The following SLC44A1 variants were observed in gnomAD, a reference collection of about 807,000 sequenced individuals.
The protein encoded by SLC44A1 is choline transporter-like protein 1.
In SLC44A1, 26 loss-of-function variants were observed where a neutral mutation model predicts 79.3. That is an observed-to-expected ratio of 0.33 (90% CI 0.24 to 0.46). The LOEUF (loss-of-function observed/expected upper bound fraction) is 0.46. Among genes scored for constraint, SLC44A1 ranks in the 20% least tolerant of loss-of-function variants. The pLI, the probability that SLC44A1 is intolerant of heterozygous loss-of-function variation, is 1.00. For synonymous variants in SLC44A1, 263 were observed against 286.2 expected, an observed-to-expected ratio of 0.92 and a Z score of 0.82; for missense variants, 688 against 798.1, an observed-to-expected ratio of 0.86 and a Z score of 1.66.
At chr9:105,356,523 T>C in intron 6 of SLC44A1, 142 bp downstream of exon 6, 1 of 581,294 alleles carries the variant, frequency 1.7e-6, no homozygotes, top group Non-Finnish European at 3.0e-6. Flanking sequence ...TCAGATTATA[T>C]ATAGTTAAGA....
intron 1 of SLC44A1, among the ~76,000 whole-genome samples, chr9:105,261,343 A>G (rs548014573): frequency 7.9e-5 from 12 of 152,064 alleles, no homozygotes; most frequent in Non-Finnish European, 1.8e-4. Context: ...TCCCTGCAAC[A>G]CACCTCTTGT....
intron 1 of SLC44A1, among the ~76,000 whole-genome samples, chr9:105,256,060 C>T (rs1490227208): frequency 6.6e-6 from 1 of 152,016 alleles, no homozygotes; most frequent in Non-Finnish European, 1.5e-5. Flanking sequence ...GTCACCCTGG[C>T]TGGAGTGCAG....
intron 1 of SLC44A1, among the ~76,000 whole-genome samples, chr9:105,265,525 C>T (rs976563815): frequency 6.6e-6 from 1 of 152,120 alleles, no homozygotes; most frequent in African/African-American, 2.4e-5. Flanking sequence ...ATAGTTTATT[C>T]ACCAGTTGAA....
intron 1 of SLC44A1, among the ~76,000 whole-genome samples, chr9:105,254,295 C>T (rs1284696033): frequency 1.3e-5 from 2 of 152,144 alleles, no homozygotes; most frequent in East Asian, 1.9e-4. Flanking sequence ...TTTTGCTGAG[C>T]TGACAATCTC....
intron 3 of SLC44A1, among the ~76,000 whole-genome samples, chr9:105,321,654 C>T (rs866515266): frequency 1.3e-5 from 2 of 151,940 alleles, no homozygotes; most frequent in Non-Finnish European, 1.5e-5. Flanking sequence ...TGAAATGAGG[C>T]GCTTAAATTA....
At chr9:105,415,423 G>C (rs903905666) in intron 15 of SLC44A1, among the ~76,000 whole-genome samples, 4 of 152,106 alleles carry the variant, frequency 2.6e-5, no homozygotes, top group African/African-American at 9.7e-5. Flanking sequence ...GGATTCTGCT[G>C]TATAATAAAC....
intron 1 of SLC44A1, among the ~76,000 whole-genome samples, chr9:105,286,147 C>T (rs975504387): frequency 2.0e-5 from 3 of 152,090 alleles, no homozygotes; most frequent in East Asian, 1.9e-4. Context: ...GAATGTACTG[C>T]GGTATTTTTA....
At chr9:105,366,311 G>C in intron 11 of SLC44A1, 35 bp from the exon 12 acceptor site, 3 of 1,163,706 alleles carry the variant, frequency 2.6e-6, no homozygotes, top group Non-Finnish European at 3.6e-6. Flanking sequence ...TTGATTCTTT[G>C]GTTTTTTTAT....
At chr9:105,322,382 G>A (rs902965692) in intron 3 of SLC44A1, among the ~76,000 whole-genome samples, 6 of 152,114 alleles carry the variant, frequency 3.9e-5, no homozygotes, top group Admixed American at 2.0e-4. Flanking sequence ...AAAAGAAGCC[G>A]GAAGTCTGTT....
In SLC44A1 at chr9:105,392,790, G is replaced by A. The variant is rs1169978793; in HGVS notation, c.*3734G>A. On this transcript the variant is annotated 3_prime_UTR_variant, in exon 16 of 16. Coordinates refer to ENST00000374720, the MANE Select transcript of SLC44A1 (RefSeq NM_080546.5). ...ATCAGTTCCAAAACCAGAACTGCCAGTAATGGTGACTTGAATATTTTATTT... is the reference window on the plus strand; with the variant it reads ...ATCAGTTCCAAAACCAGAACTGCCAATAATGGTGACTTGAATATTTTATTT... 1.0e-6 allele frequency: 1 copy of A among 985,414 alleles called. No homozygotes were observed. The highest frequency in any genetic ancestry group is 1.1e-4 in the East Asian group (1 of 8,822). 61.0% of individuals were successfully genotyped at this position (985,414 alleles called of 1,614,324 possible).
At chr9:105,258,500 G>T (rs1470474296) in intron 1 of SLC44A1, among the ~76,000 whole-genome samples, 1 of 152,136 alleles carries the variant, frequency 6.6e-6, no homozygotes, top group Admixed American at 6.5e-5. Flanking sequence ...ACTCAGAAAG[G>T]CTAGGTACCT....
At chr9:105,353,001 C>G (rs1827501263) in intron 5 of SLC44A1, among the ~76,000 whole-genome samples, 1 of 151,954 alleles carries the variant, frequency 6.6e-6, no homozygotes, top group Non-Finnish European at 1.5e-5. Context: ...TACTTTAAAG[C>G]TAAGTATTTC....
At chr9:105,245,901 T>C (rs1452288222) in intron 1 of SLC44A1, among the ~76,000 whole-genome samples, 2 of 152,226 alleles carry the variant, frequency 1.3e-5, no homozygotes, top group African/African-American at 4.8e-5. Flanking sequence ...AGGACCTGTT[T>C]GTAAATTACC....
At chr9:105,434,438 T>C (rs1829437996) in intron 15 of SLC44A1, among the ~76,000 whole-genome samples, 1 of 151,912 alleles carries the variant, frequency 6.6e-6, no homozygotes, top group Non-Finnish European at 1.5e-5. Flanking sequence ...CATAGAAGGG[T>C]TGAAAGATGA....
intron 15 of SLC44A1, among the ~76,000 whole-genome samples, chr9:105,413,382 G>A (rs559054660): frequency 8.5e-5 from 13 of 152,278 alleles, no homozygotes; most frequent in African/African-American, 3.1e-4. Flanking sequence ...CAATTTCCAA[G>A]AAAATTTCGC....
At chr9:105,344,417 G>A (rs1453149596) in intron 4 of SLC44A1, among the ~76,000 whole-genome samples, 1 of 152,166 alleles carries the variant, frequency 6.6e-6, no homozygotes, top group African/African-American at 2.4e-5. Flanking sequence ...CTTAGGGGGA[G>A]GCTACTGGAA....
At chr9:105,249,558 C>G (rs1310032977) in intron 1 of SLC44A1, among the ~76,000 whole-genome samples, 1 of 148,430 alleles carries the variant, frequency 6.7e-6, no homozygotes, top group East Asian at 2.0e-4. Flanking sequence ...GAGTTTGGCT[C>G]TCATCGCCCA....
At chr9:105,417,123 G>C (rs894652591) in intron 15 of SLC44A1, among the ~76,000 whole-genome samples, 1 of 152,110 alleles carries the variant, frequency 6.6e-6, no homozygotes, top group Non-Finnish European at 1.5e-5. Flanking sequence ...TCCTAACAGG[G>C]ACTCACACAC....
At chr9:105,347,922 A>G (rs749435279) in intron 4 of SLC44A1, among the ~76,000 whole-genome samples, 2 of 152,074 alleles carry the variant, frequency 1.3e-5, no homozygotes, top group Non-Finnish European at 1.5e-5. Context: ...TTGTAGTGAA[A>G]GAGATGTGGT....
Sources: allele counts gnomAD v4.1 joint callset (sites outside exome capture counted in the v4.1 genomes callset), GRCh38; gene constraint gnomAD v4.1.1; transcripts MANE v1.5; gene names NCBI Gene and HGNC (gene_info 2026-07-23, HGNC 2026-07-21).